VPS53: variants seen among roughly 807,000 people sequenced by gnomAD.
VPS53 encodes vacuolar protein sorting-associated protein 53 homolog.
In VPS53, 70 loss-of-function variants were observed where a neutral mutation model predicts 107.0. That is an observed-to-expected ratio of 0.65 (90% CI 0.54 to 0.80). VPS53 has a LOEUF of 0.80. Among genes scored for constraint, VPS53 ranks in the 30% least tolerant of loss-of-function variants. The probability of loss-of-function intolerance (pLI) is 0.00; values close to 1 mark genes in which losing one functional copy is unlikely to be tolerated. For missense variants in VPS53, 917 were observed against 1,049.4 expected, an observed-to-expected ratio of 0.87 and a Z score of 1.74; for synonymous variants, 409 against 393.3, an observed-to-expected ratio of 1.04 and a Z score of -0.47.
intron 12 of VPS53, among the ~76,000 whole-genome samples, chr17:586,972 A>G (rs1967353822): frequency 6.6e-6 from 1 of 152,124 alleles, no homozygotes; most frequent in African/African-American, 2.4e-5. Context: ...TGTAAGAAAA[A>G]GAAGAATGGA....
chr17:670,461 C>T (rs1243742373), intron 4 of VPS53, among the ~76,000 whole-genome samples: 1 of 152,200 alleles, frequency 6.6e-6, no homozygotes, highest in Non-Finnish European at 1.5e-5. Flanking sequence ...TGAGCAGGCT[C>T]TCAAAGCCAC....
In VPS53 at chr17:562,467, T is replaced by C. The variant is rs1567628031; in HGVS notation, c.1556+36A>G. On this transcript the variant is annotated intron_variant, in intron 14 of 21. Coordinates refer to ENST00000437048, the MANE Select transcript of VPS53 (RefSeq NM_001128159.3). ...CTTAAGATTCCCATATTTAGGTCTA[T>C]TTGCCACCACTCAGACTATGAAGAA... 3.1e-6 allele frequency: 5 copies of C among 1,609,238 alleles called. No individual in the cohort carries two copies. In the East Asian group the frequency reaches 8.9e-5, roughly 29 times the overall value.
intron 11 of VPS53, among the ~76,000 whole-genome samples, chr17:618,741 G>T (rs77446426): frequency 1.3e-5 from 2 of 149,762 alleles, no homozygotes; most frequent in African/African-American, 5.0e-5. Context: ...GACTACAGGC[G>T]TGCACCACCA....
chr17:684,828 A>T (rs1972525886), intron 4 of VPS53, among the ~76,000 whole-genome samples: 1 of 152,020 alleles, frequency 6.6e-6, no homozygotes, highest in South Asian at 2.1e-4. Flanking sequence ...CCTACTAAAG[A>T]ATACAAAAAA....
intron 12 of VPS53, among the ~76,000 whole-genome samples, chr17:597,500 A>T (rs1248613386): frequency 6.6e-6 from 1 of 152,208 alleles, no homozygotes; most frequent in East Asian, 1.9e-4. Flanking sequence ...ATTACTAATC[A>T]GTAATAGCCC....
At chr17:673,046 A>T (rs949125292) in intron 4 of VPS53, among the ~76,000 whole-genome samples, 1 of 148,532 alleles carries the variant, frequency 6.7e-6, no homozygotes, top group African/African-American at 2.4e-5. Context: ...CAGGAGGTGG[A>T]GCTTGCAGTG....
chr17:643,654 G>C (rs1474320641), intron 7 of VPS53, among the ~76,000 whole-genome samples: 1 of 151,830 alleles, frequency 6.6e-6, no homozygotes, highest in Non-Finnish European at 1.5e-5. Context: ...TGGAAAGCGA[G>C]GACAACACTC....
At chr17:560,400 G>T (rs1206269616) in intron 15 of VPS53, 26 bp downstream of exon 15, 3 of 1,602,046 alleles carry the variant, frequency 1.9e-6, no homozygotes. Flanking sequence ...AAAGGAGGTG[G>T]TGAGTGGGCA....
chr17:710,512 G>A (rs1973597257), intron 2 of VPS53, 21 bp downstream of exon 2: 2 of 1,600,816 alleles, frequency 1.2e-6, no homozygotes, highest in South Asian at 2.2e-5. Flanking sequence ...TGAAAGGAAG[G>A]AAACCTGAAA....
At chr17:630,298 A>C (rs1969899410) in intron 8 of VPS53, among the ~76,000 whole-genome samples, 1 of 149,728 alleles carries the variant, frequency 6.7e-6, no homozygotes, top group Admixed American at 6.6e-5. Flanking sequence ...TCAAAAAAAA[A>C]ACAAACAAAC....
intron 11 of VPS53, among the ~76,000 whole-genome samples, chr17:618,744 C>T (rs574462643): frequency 9.9e-5 from 15 of 151,922 alleles, no homozygotes; most frequent in African/African-American, 3.4e-4. Flanking sequence ...TACAGGCGTG[C>T]ACCACCATGC....
At chr17:613,339 CAT>C (rs1181009240) in intron 11 of VPS53, among the ~76,000 whole-genome samples, 2 of 150,366 alleles carry the variant, frequency 1.3e-5, no homozygotes, top group East Asian at 3.9e-4. Flanking sequence ...CAAATATTCA[CAT>C]AGTGAGTTCA....
intron 17 of VPS53, among the ~76,000 whole-genome samples, chr17:542,561 T>C (rs561599565): frequency 6.6e-6 from 1 of 152,376 alleles, no homozygotes; most frequent in African/African-American, 2.4e-5. Context: ...GCTACTGTTA[T>C]AATTTTAAGA....
chr17:586,591 A>G (rs1481565807), intron 12 of VPS53, among the ~76,000 whole-genome samples: 2 of 152,232 alleles, frequency 1.3e-5, no homozygotes, highest in African/African-American at 2.4e-5. Context: ...TGCTACCTGG[A>G]TAACATATGT....
chr17:528,040 C>T (rs1175327632), intron 19 of VPS53, among the ~76,000 whole-genome samples: 1 of 152,140 alleles, frequency 6.6e-6, no homozygotes, highest in Admixed American at 6.5e-5. Context: ...CTTCCAGAAG[C>T]TTTATTGCCT....
chr17:573,870 T>C (rs1914390420), intron 13 of VPS53, among the ~76,000 whole-genome samples: 1 of 152,152 alleles, frequency 6.6e-6, no homozygotes, highest in South Asian at 2.1e-4. Context: ...ACAGCAAAAG[T>C]AGTAATGTGC....
intron 4 of VPS53, among the ~76,000 whole-genome samples, chr17:675,837 T>C (rs1016054686): frequency 6.7e-6 from 1 of 149,634 alleles, no homozygotes; most frequent in Non-Finnish European, 1.5e-5. Flanking sequence ...CCCCTCCAAA[T>C]TGGGGGTCAT....
intron 9 of VPS53, 39 bp from the exon 10 acceptor site, chr17:627,355 G>C (rs778058134): frequency 6.3e-7 from 1 of 1,589,134 alleles, no homozygotes; most frequent in Admixed American, 1.8e-5. Context: ...CCAGTGGTTA[G>C]AAGTAGAAAT....
At chr17:556,103 C>T (rs1597293459) in intron 15 of VPS53, among the ~76,000 whole-genome samples, 1 of 151,946 alleles carries the variant, frequency 6.6e-6, no homozygotes, top group East Asian at 1.9e-4. Context: ...ACAGTGAGAC[C>T]CTATCTCTAC....
Sources: allele counts gnomAD v4.1 joint callset (sites outside exome capture counted in the v4.1 genomes callset), GRCh38; gene constraint gnomAD v4.1.1; transcripts MANE v1.5; gene names NCBI Gene and HGNC (gene_info 2026-07-23, HGNC 2026-07-21).